The following CAMKK2 variants were observed in gnomAD, a reference collection of about 807,000 sequenced individuals.
The protein encoded by CAMKK2 is calcium/calmodulin-dependent protein kinase kinase 2.
A neutral mutation model predicts 67.2 loss-of-function variants in CAMKK2; 30 were observed. The observed-to-expected ratio is 0.45, with a 90% CI of 0.33 to 0.61. CAMKK2 has a LOEUF of 0.61. Ranked by LOEUF, CAMKK2 falls within the 20% of genes least tolerant of loss-of-function variation. The probability of loss-of-function intolerance (pLI) is 0.02; values close to 1 mark genes in which losing one functional copy is unlikely to be tolerated. For synonymous variants in CAMKK2, 322 were observed against 326.2 expected, an observed-to-expected ratio of 0.99 and a Z score of 0.14; for missense variants, 643 against 802.0, an observed-to-expected ratio of 0.80 and a Z score of 2.39.
intron 5 of CAMKK2, 43 bp from the exon 6 acceptor site, chr12:121,263,982 T>C: frequency 6.6e-7 from 1 of 1,506,672 alleles, no homozygotes; most frequent in Non-Finnish European, 9.0e-7. Context: ...GCAAAGAGAC[T>C]TTCCTCCGCA....
rs551566844 is a variant in CAMKK2, at chr12:121,273,689, C to G, written c.471+367G>C. 2.0e-5 allele frequency among the ~76,000 whole-genome samples: 3 copies of G among 152,272 alleles called. No homozygotes were observed. In the South Asian group the frequency reaches 6.2e-4, roughly 32 times the overall value. ...AGGGGGTCACACACACCTGCCCCAG[C>G]AGCCCTCACCCATGAGTATAAATAC... is the stretch of plus-strand genomic sequence containing the variant. On this transcript the variant is annotated intron_variant, in intron 2 of 16. Transcript: ENST00000404169.
intron 5 of CAMKK2, among the ~76,000 whole-genome samples, chr12:121,266,229 T>C (rs1894498730): frequency 6.6e-6 from 1 of 152,204 alleles, no homozygotes; most frequent in African/African-American, 2.4e-5. Flanking sequence ...CGGCCTGAGA[T>C]GGTGCTAACT....
chr12:121,252,981 T>C (rs1483614833), intron 10 of CAMKK2, among the ~76,000 whole-genome samples: 1 of 152,194 alleles, frequency 6.6e-6, no homozygotes, highest in East Asian at 1.9e-4. Context: ...ACAGGCACTA[T>C]TCAGAATGAG....
At chr12:121,249,614 A>C (rs1890231842) in intron 13 of CAMKK2, among the ~76,000 whole-genome samples, 173 bp downstream of exon 13, 1 of 152,156 alleles carries the variant, frequency 6.6e-6, no homozygotes, top group Non-Finnish European at 1.5e-5. Flanking sequence ...CACAATGCCC[A>C]AATCTTCCTA....
intron 1 of CAMKK2, among the ~76,000 whole-genome samples, chr12:121,280,231 T>C (rs1395485001): frequency 6.6e-6 from 1 of 152,280 alleles, no homozygotes; most frequent in Non-Finnish European, 1.5e-5. Flanking sequence ...AATACTTTTG[T>C]AATTTCTTAT....
chr12:121,243,854 GCCTGGAGCT>G (rs1888866396), intron 16 of CAMKK2: 4 of 1,338,900 alleles, frequency 3.0e-6, no homozygotes, highest in Non-Finnish European at 3.8e-6. Context: ...AGAAGTGACT[GCCTGGAGCT>G]CCCACCAAGT....
intron 5 of CAMKK2, among the ~76,000 whole-genome samples, chr12:121,268,368 G>A (rs1895063204): frequency 6.6e-6 from 1 of 151,778 alleles, no homozygotes; most frequent in African/African-American, 2.4e-5. Flanking sequence ...TTTTTGACTT[G>A]ATACCTATAT....
Position 121,274,234 on chromosome 12 carries a change from T to A in CAMKK2, c.293A>T (p.Lys98Met). The A allele has an allele frequency of 3.1e-6, 5 of 1,609,714 alleles. No homozygotes were observed. The highest frequency in any genetic ancestry group is 4.2e-6 in the Non-Finnish European group (5 of 1,177,278). Residue 98 changes from lysine (K) to methionine (M), a missense_variant, in exon 2 of 17, where the codon AAG (lysine) becomes ATG (methionine). Physicochemically the swap from Lys to Met is moderately conservative, Grantham distance 95. This residue lies in a region of CAMKK2 where 483 missense variants were observed against 625.8 expected (regional missense o/e 0.77). Transcript: ENST00000404169. ...CTGGGACCGCTCTTGCAGAGACAGC[T>A]TGCGACCGGAGAGGTGGGGCCGGGC... is the stretch of plus-strand genomic sequence containing the variant. The part of the protein sequence containing the change: ...SQARPHLSGR[K>M]LSLQERSQGG...
In CAMKK2 at chr12:121,274,246, A is replaced by T; in HGVS notation, c.281T>A (p.Leu94His). The T allele has an allele frequency of 1.2e-6, 2 of 1,610,314 alleles. No individual in the cohort carries two copies. The highest frequency in any genetic ancestry group is 1.7e-6 in the Non-Finnish European group (2 of 1,177,714). Residue 94 changes from leucine (L) to histidine (H), a missense_variant, in exon 2 of 17, where the codon CTC becomes CAC. This residue lies in a region of CAMKK2 where 483 missense variants were observed against 625.8 expected (regional missense o/e 0.77). Coordinates refer to ENST00000404169, the MANE Select transcript of CAMKK2 (RefSeq NM_001270485.2). Reference protein sequence around the residue: ...DTSGSQARPHLSGRKLSLQER... With the variant: ...DTSGSQARPHHSGRKLSLQER... ...TTGCAGAGACAGCTTGCGACCGGAG[A>T]GGTGGGGCCGGGCCTGGGACCCGGA...
intron 1 of CAMKK2, among the ~76,000 whole-genome samples, chr12:121,282,735 T>G (rs1386135673): frequency 1.3e-5 from 2 of 150,614 alleles, no homozygotes; most frequent in Admixed American, 1.3e-4. Flanking sequence ...TGACAGAATA[T>G]ATCTCTGTTC....
intron 1 of CAMKK2, among the ~76,000 whole-genome samples, chr12:121,286,909 G>C (rs777200485): frequency 6.6e-6 from 1 of 151,458 alleles, no homozygotes; most frequent in Non-Finnish European, 1.5e-5. Context: ...CTTTTTTTGG[G>C]GGGCGGGGCG....
rs201486892 is a variant in CAMKK2, at chr12:121,240,759, G to C, written c.1707C>G (p.Ala569=). 1.7e-4 allele frequency: 278 copies of C among 1,608,894 alleles called. No individual in the cohort carries two copies. The highest frequency in any genetic ancestry group is 2.2e-4 in the Non-Finnish European group (258 of 1,178,870). ...SPCVESCWAP[A]PGSPARMHPL... ...GATGCATGCGTGCGGGGGAGCCGGG[G>C]GCGGGGGCCCAGCAACTTTCCACGC... is the stretch of plus-strand genomic sequence containing the variant. Residue 569 remains alanine, a synonymous_variant, in exon 17 of 17, where the codon GCC becomes GCG. Transcript: ENST00000404169. This position sits in a 1 kb window ranked among gnomAD's most constrained non-coding sequence, Gnocchi z 4.4.
intron 1 of CAMKK2, among the ~76,000 whole-genome samples, chr12:121,284,523 C>T (rs920241742): frequency 7.2e-5 from 11 of 152,130 alleles, no homozygotes; most frequent in African/African-American, 2.2e-4. Context: ...CAGGGTTTCA[C>T]CATGTTGCCC....
intron 5 of CAMKK2, among the ~76,000 whole-genome samples, chr12:121,266,981 C>A (rs1482208929): frequency 7.9e-6 from 1 of 126,884 alleles, no homozygotes; most frequent in East Asian, 2.4e-4. Flanking sequence ...AAGAGGTCAG[C>A]AAGAAACTGG....
intron 1 of CAMKK2, among the ~76,000 whole-genome samples, chr12:121,293,796 C>G (rs1900594350): frequency 2.6e-5 from 4 of 152,136 alleles, no homozygotes; most frequent in Admixed American, 2.6e-4. Flanking sequence ...GGGAGCCTCC[C>G]AGATTCACAC....
At chr12:121,260,455 T>C (rs1298869319) in intron 6 of CAMKK2, 100 bp from the exon 7 acceptor site, 1 of 1,064,996 alleles carries the variant, frequency 9.4e-7, no homozygotes, top group Non-Finnish European at 1.4e-6. Flanking sequence ...GTGGCTGCGT[T>C]TGCCAACAGG....
intron 14 of CAMKK2, among the ~76,000 whole-genome samples, chr12:121,246,253 C>CG (rs146641557): frequency 0.054 from 4,517 of 83,148 alleles, 227 homozygotes; most frequent in African/African-American, 0.17. Flanking sequence ...AAAGAAGGAG[C>CG]GGGGGGGGGG....
rs202047341 is a variant in CAMKK2 at position 121,268,648 on chromosome 12, G to A, written c.615C>T (p.Ala205=). The A allele has an allele frequency of 4.6e-5, 74 of 1,613,942 alleles. No individual in the cohort carries two copies. The highest frequency in any genetic ancestry group is 2.9e-4 in the South Asian group (26 of 91,084). ...VLSKKKLIRQ[A]GFPRRPPPRG... ...GCCCGCCAAACTCACGTGGAAAGCC[G>A]GCCTGCCGGATCAGCTTCTTTTTGG... Residue 205 remains alanine, a synonymous_variant, in exon 5 of 17, where the codon GCC becomes GCT. Transcript: ENST00000404169.
intron 1 of CAMKK2, among the ~76,000 whole-genome samples, chr12:121,277,128 A>G (rs770266183): frequency 1.3e-5 from 2 of 152,144 alleles, no homozygotes; most frequent in Non-Finnish European, 2.9e-5. Context: ...TGAAATAGCT[A>G]CTACGCCAGG....
Sources: allele counts gnomAD v4.1 joint callset (sites outside exome capture counted in the v4.1 genomes callset), GRCh38; gene constraint gnomAD v4.1.1; regional missense constraint gnomAD v4.1.1; non-coding constraint Gnocchi (gnomAD v3.1); transcripts MANE v1.5; gene names NCBI Gene and HGNC (gene_info 2026-07-23, HGNC 2026-07-21).